Variants in CDCA3 observed in about 807,000 individuals in gnomAD.
The protein encoded by CDCA3 is cell division cycle associated 3, also known as cell division cycle-associated protein 3.
Under a neutral mutation model 29.1 loss-of-function variants are expected in CDCA3, and 16 were observed. The ratio of observed to expected loss-of-function variants is 0.55; its 90% CI spans 0.37 to 0.83. CDCA3 has a LOEUF of 0.83. CDCA3 is among the 40% of genes least tolerant of loss of function. The pLI is 0.00. For synonymous variants in CDCA3, 88 were observed against 124.5 expected, an observed-to-expected ratio of 0.71 and a Z score of 1.95; for missense variants, 291 against 327.2, an observed-to-expected ratio of 0.89 and a Z score of 0.85.
rs781978168 is a variant in CDCA3 at position 6,850,204 on chromosome 12, G to C, written c.250+263C>G. On this transcript the variant is annotated intron_variant, in intron 3 of 5. Transcript: ENST00000538862. This position sits in a 1 kb window ranked among gnomAD's most constrained non-coding sequence, Gnocchi z 4.7. The stretch of plus-strand genomic sequence containing the variant: ...GTTATGTGTGTGTATTTTTTCTAGA[G>C]ATGGGGTTTTGCCATGTTGCCTAGG... The C allele has an allele frequency of 1.7e-5, 9 of 522,284 alleles. No individual in the cohort carries two copies. The South Asian group carries it at 1.8e-4, about 11-fold the overall frequency. 32.4% of individuals were successfully genotyped at this position (522,284 alleles called of 1,614,324 possible). A position where few individuals can be genotyped will look rare whatever the true frequency, so the allele number is the denominator to read the frequency against.
In CDCA3 at chr12:6,850,560, C is replaced by T; in HGVS notation, c.157G>A (p.Glu53Lys). ...GCATGTTTAAGACCCTCCAGTTGCT[C>T]CCCTGCTGGTAGGCCTGGCTGTGGA... ...SSPQPGLPAG[E>K]QLEGLKHAQD... is the part of the protein sequence containing the mutation. The change falls in exon 3 of 6, where the codon GAG (glutamate) becomes AAG (lysine). Residue 53 changes from glutamate to lysine, a missense_variant. Coordinates refer to ENST00000538862, the MANE Select transcript of CDCA3 (RefSeq NM_031299.7). The surrounding 1 kb of genome is among the most constrained non-coding windows in gnomAD (Gnocchi z 4.7). 1 of 1,614,084 alleles carries T rather than the reference C, an allele frequency of 6.2e-7. No homozygotes were observed. The highest frequency in any genetic ancestry group is 8.5e-7 in the Non-Finnish European group (1 of 1,180,016).
In CDCA3 at chr12:6,849,362, C is replaced by T. The variant is rs551260658; in HGVS notation, c.612G>A (p.Leu204=). The T allele has an allele frequency of 2.0e-5, 32 of 1,605,502 alleles. No individual in the cohort carries two copies. The South Asian group carries it at 2.3e-4, about 12-fold the overall frequency. ...KVLGRSPLTI[L]QDDNSPGTLT... ...GGGTGCCAGGGGAGTTGTCATCCTGCAGGATGGTGAGGGGGGATCTCCCTA... is the reference window on the plus strand; with the variant it reads ...GGGTGCCAGGGGAGTTGTCATCCTGTAGGATGGTGAGGGGGGATCTCCCTA... The change falls in exon 5 of 6, where the codon CTG becomes CTA. Residue 204 remains leucine, a synonymous_variant. Transcript: ENST00000538862. This position sits in a 1 kb window ranked among gnomAD's most constrained non-coding sequence, Gnocchi z 5.2.
downstream of CDCA3, chr12:6,845,364 C>T (rs1565520093): frequency 3.0e-5 from 16 of 541,084 alleles, no homozygotes; most frequent in South Asian, 4.0e-4. Context: ...TGATGCCTGC[C>T]TGCAGCGCTG....
At chr12:6,845,826 C>T (rs1943683946), downstream of CDCA3, 1 of 1,551,168 alleles carries the variant, frequency 6.4e-7, no homozygotes, top group African/African-American at 1.4e-5. Flanking sequence ...CTGGCTGCTG[C>T]TTCCTCAGCT....
At chr12:6,846,067 A>T (rs1429473627), downstream of CDCA3, 1 of 474,128 alleles carries the variant, frequency 2.1e-6, no homozygotes, top group Non-Finnish European at 3.8e-6. Flanking sequence ...ATGACTGTCC[A>T]GTCAGTTCTG....
Position 6,850,347 on chromosome 12 carries a change from A to G in CDCA3, c.250+120T>C, listed in dbSNP as rs1379407699. ...AACAAAATATTGAGATAAGAGTGAG[A>G]TGGGTCCGAAGCAGGAGGATAGAGG... On this transcript the variant is annotated intron_variant, in intron 3 of 5. Transcript: ENST00000538862. The surrounding 1 kb of genome is among the most constrained non-coding windows in gnomAD (Gnocchi z 4.7). The G allele has an allele frequency of 2.3e-6, 3 of 1,280,988 alleles. No homozygotes were observed. The East Asian group carries it at 7.0e-5, about 30-fold the overall frequency. The allele number at this position is 1,280,988 out of a possible 1,614,324, so 79.4% of individuals were successfully genotyped here. A position where few individuals can be genotyped will look rare whatever the true frequency, so the allele number is the denominator to read the frequency against.
chr12:6,847,322 A>T, downstream of CDCA3: 1 of 192,396 alleles, frequency 5.2e-6, no homozygotes, highest in African/African-American at 2.3e-5. Flanking sequence ...CCCTCTTCTT[A>T]TTCATGCTTT....
chr12:6,851,080 C>A, intron 1 of CDCA3, 71 bp from the exon 2 acceptor site: 1 of 1,429,732 alleles, frequency 7.0e-7, no homozygotes, highest in South Asian at 1.5e-5. Flanking sequence ...ACCACCCTGT[C>A]TTCCCAGTTT....
Position 6,850,350 on chromosome 12 carries a change from G to T in CDCA3, c.250+117C>A. ...AAAATATTGAGATAAGAGTGAGATG[G>T]GTCCGAAGCAGGAGGATAGAGGCCC... On this transcript the variant is annotated intron_variant, in intron 3 of 5. Coordinates refer to ENST00000538862, the MANE Select transcript of CDCA3 (RefSeq NM_031299.7). This position sits in a 1 kb window ranked among gnomAD's most constrained non-coding sequence, Gnocchi z 4.7. 7.7e-7 allele frequency: 1 copy of T among 1,295,232 alleles called. No individual in the cohort carries two copies. Among genetic ancestry groups the T allele is most frequent in the Non-Finnish European group, 1.1e-6 (1 of 920,464 alleles). 80.2% of individuals were successfully genotyped at this position (1,295,232 alleles called of 1,614,324 possible). A position where few individuals can be genotyped will look rare whatever the true frequency, so the allele number is the denominator to read the frequency against.
chr12:6,845,848 C>T (rs1943684901), downstream of CDCA3: 6 of 1,281,748 alleles, frequency 4.7e-6, no homozygotes, highest in Non-Finnish European at 5.7e-6. Context: ...GAAGGACCCT[C>T]CCCAGCCCTC....
downstream of CDCA3, chr12:6,846,788 T>A: frequency 6.4e-7 from 1 of 1,562,694 alleles, no homozygotes; most frequent in Non-Finnish European, 8.7e-7. Context: ...TCCCTCTTCC[T>A]CAGGCATCCT....
chr12:6,846,728 C>A, downstream of CDCA3: 1 of 870,820 alleles, frequency 1.1e-6, no homozygotes, highest in Non-Finnish European at 1.9e-6. Flanking sequence ...CACTTACACG[C>A]ATGCACACAC....
rs1943764245 is a variant in CDCA3, at chr12:6,849,041, G to T, written c.*2C>A. 1 of 921,518 alleles carries T rather than the reference G, an allele frequency of 1.1e-6. No individual in the cohort carries two copies. The highest frequency in any genetic ancestry group is 1.7e-5 in the Admixed American group (1 of 59,148). The allele number at this position is 921,518 out of a possible 1,614,324, so 57.1% of individuals were successfully genotyped here. ...GACTGCATTGCTGGGGCCATGCAGG[G>T]CCTAGCTCTCCACCAAGGGAAAGTG... On this transcript the variant is annotated 3_prime_UTR_variant, in exon 6 of 6. Coordinates refer to ENST00000538862, the MANE Select transcript of CDCA3 (RefSeq NM_031299.7). The surrounding 1 kb of genome is among the most constrained non-coding windows in gnomAD (Gnocchi z 5.2).
rs1555125412 is a variant in CDCA3, at chr12:6,848,901, A to G, written c.*142T>C. The G allele has an allele frequency of 9.9e-6, 6 of 603,018 alleles. No individual in the cohort carries two copies. The East Asian group carries it at 1.4e-4, about 14-fold the overall frequency. The allele number at this position is 603,018 out of a possible 1,614,324, so 37.4% of individuals were successfully genotyped here. A position where few individuals can be genotyped will look rare whatever the true frequency, so the allele number is the denominator to read the frequency against. On this transcript the variant is annotated 3_prime_UTR_variant, in exon 6 of 6. Transcript: ENST00000538862. ...ACACACAAGACACAAAGAAAGCCCA[A>G]TAAAGCTGTGAGTCCCAGTTTGGTA... is the stretch of plus-strand genomic sequence containing the variant.
chr12:6,848,064 G>C (rs1192317216), downstream of CDCA3: 3 of 152,100 alleles, frequency 2.0e-5, no homozygotes, highest in Non-Finnish European at 4.4e-5. Context: ...AAATTACCTG[G>C]GCAGGCTGGG....
chr12:6,845,217 C>A (rs1565519994), downstream of CDCA3: 1 of 209,006 alleles, frequency 4.8e-6, no homozygotes, highest in East Asian at 1.1e-4. Context: ...CCAGGCCTTG[C>A]ATTTGTACTG....
chr12:6,849,662 C>T lies in CDCA3; in HGVS notation c.447G>A (p.Val149=), dbSNP rs1555125780. 1 of 1,614,166 alleles carries T rather than the reference C, an allele frequency of 6.2e-7. No individual in the cohort carries two copies. The highest frequency in any genetic ancestry group is 1.3e-5 in the African/African-American group (1 of 75,040). ...GCTGTCTTGCTTCCTCCTTGGAAAA[C>T]ACCTGTTTGGAGGGGAACTCAGTCT... ...WNQTEFPSKQ[V]FSKEEARQPT... Residue 149 remains valine (V), a synonymous_variant, in exon 4 of 6, where the codon GTG becomes GTA. Transcript: ENST00000538862. The surrounding 1 kb of genome is among the most constrained non-coding windows in gnomAD (Gnocchi z 5.2).
At chr12:6,848,024 G>C (rs1305505370), downstream of CDCA3, 2 of 152,142 alleles carry the variant, frequency 1.3e-5, no homozygotes, top group African/African-American at 4.8e-5. Flanking sequence ...GAGCAACATA[G>C]TAAGACCCTG....
In CDCA3 at chr12:6,850,817, C is replaced by T. The variant is rs376054935; in HGVS notation, c.120+16G>A. On this transcript the variant is annotated intron_variant, in intron 2 of 5. Transcript: ENST00000538862. The surrounding 1 kb of genome is among the most constrained non-coding windows in gnomAD (Gnocchi z 4.7). ...ATTCAGACATTCTCTGCCTTTCCCA[C>T]GCTGGCCCAGAGTACCTGGATGGGA... 2 of 1,612,194 alleles carry T rather than the reference C, an allele frequency of 1.2e-6. No individual in the cohort carries two copies. The highest frequency in any genetic ancestry group is 1.3e-5 in the African/African-American group (1 of 74,900).
Sources: gnomAD v4.1 joint callset for allele counts on GRCh38, gnomAD v4.1.1 for gene constraint, Gnocchi (gnomAD v3.1) non-coding constraint, MANE v1.5 for transcripts, NCBI Gene and HGNC (gene_info 2026-07-23, HGNC 2026-07-21) for gene names.